The following ADCY2 variants were observed in gnomAD, a reference collection of about 807,000 sequenced individuals.
ADCY2 encodes the protein adenylate cyclase type 2.
ADCY2 carries 31 observed loss-of-function variants against 125.2 expected under a neutral mutation model. The observed-to-expected ratio is 0.25, with a 90% confidence interval of 0.19 to 0.33. The LOEUF (loss-of-function observed/expected upper bound fraction) is 0.33, where lower values mean the gene tolerates loss of function less well. ADCY2 is among the 10% of genes least tolerant of loss of function. The pLI is 1.00. For synonymous variants in ADCY2, 512 were observed against 548.4 expected (o/e 0.93, Z 0.93); for missense variants, 904 against 1,418.2 (o/e 0.64, Z 5.82).
chr5:7,750,870 A>T (rs532116553), intron 15 of ADCY2, among the ~76,000 whole-genome samples: 1 of 151,204 alleles, frequency 6.6e-6, no homozygotes, highest in African/African-American at 2.4e-5. Context: ...TCTACCACAG[A>T]CCTCATAATC....
chr5:7,573,295 C>G (rs1448881580), intron 3 of ADCY2, among the ~76,000 whole-genome samples: 1 of 152,102 alleles, frequency 6.6e-6, no homozygotes, highest in Non-Finnish European at 1.5e-5. Flanking sequence ...TAAAATTCAC[C>G]TTTTGAAATT....
intron 1 of ADCY2, among the ~76,000 whole-genome samples, chr5:7,411,972 G>A (rs1018722756): frequency 2.6e-5 from 4 of 152,066 alleles, no homozygotes; most frequent in East Asian, 1.9e-4. Context: ...CTACTTGGGA[G>A]GCTGAGGCAG....
chr5:7,427,791 G>A (rs1740440693), intron 2 of ADCY2, among the ~76,000 whole-genome samples: 2 of 152,262 alleles, frequency 1.3e-5, no homozygotes, highest in African/African-American at 4.8e-5. Flanking sequence ...AAGTACCAAG[G>A]AAGGAACTCA....
intron 3 of ADCY2, among the ~76,000 whole-genome samples, chr5:7,546,071 T>C (rs1169898985): frequency 5.3e-5 from 8 of 152,310 alleles, no homozygotes; most frequent in Non-Finnish European, 1.2e-4. Context: ...AGTAACTCCT[T>C]TCACCTATTC....
chr5:7,737,379 C>G (rs1742281002), intron 14 of ADCY2, among the ~76,000 whole-genome samples: 1 of 152,114 alleles, frequency 6.6e-6, no homozygotes, highest in African/African-American at 2.4e-5. Context: ...CCATGCAAAG[C>G]TAGAGCTAGA....
intron 22 of ADCY2, among the ~76,000 whole-genome samples, chr5:7,816,617 C>T (rs924207262): frequency 6.6e-6 from 1 of 152,220 alleles, no homozygotes; most frequent in African/African-American, 2.4e-5. Flanking sequence ...AGCCTTAGCC[C>T]GCATGATGCG....
At chr5:7,476,569 C>G (rs1415664534) in intron 2 of ADCY2, among the ~76,000 whole-genome samples, 1 of 152,160 alleles carries the variant, frequency 6.6e-6, no homozygotes, top group Non-Finnish European at 1.5e-5. Flanking sequence ...TCATCAGGAA[C>G]TGTCTCAGTG....
intron 3 of ADCY2, among the ~76,000 whole-genome samples, chr5:7,546,734 G>T (rs539003356): frequency 1.3e-5 from 2 of 152,308 alleles, no homozygotes; most frequent in African/African-American, 2.4e-5. Flanking sequence ...CCTTTGCAAG[G>T]CCGTCCGTGG....
intron 2 of ADCY2, among the ~76,000 whole-genome samples, chr5:7,496,858 A>T (rs1743362579): frequency 6.6e-6 from 1 of 152,196 alleles, no homozygotes; most frequent in Non-Finnish European, 1.5e-5. Context: ...AATATTTTAT[A>T]TGAATATATC....
intron 10 of ADCY2, among the ~76,000 whole-genome samples, chr5:7,711,203 G>A (rs1378683896): frequency 6.6e-6 from 1 of 152,170 alleles, no homozygotes; most frequent in Non-Finnish European, 1.5e-5. Flanking sequence ...AAATCATCAA[G>A]AAGAGAACAA....
intron 2 of ADCY2, among the ~76,000 whole-genome samples, chr5:7,453,614 G>T (rs1741554281): frequency 6.6e-6 from 1 of 152,196 alleles, no homozygotes; most frequent in Non-Finnish European, 1.5e-5. Flanking sequence ...AGGAAGGAAA[G>T]ACGGGAAGTA....
At chr5:7,555,280 T>C (rs1193120543) in intron 3 of ADCY2, among the ~76,000 whole-genome samples, 2 of 152,212 alleles carry the variant, frequency 1.3e-5, no homozygotes, top group African/African-American at 4.8e-5. Context: ...CAAACATCCA[T>C]TGAACGCCTG....
intron 2 of ADCY2, among the ~76,000 whole-genome samples, chr5:7,467,027 G>A (rs998722430): frequency 2.0e-5 from 3 of 152,094 alleles, no homozygotes; most frequent in Non-Finnish European, 4.4e-5. Context: ...TTTGAATTAG[G>A]ATATTTTCAA....
intron 2 of ADCY2, among the ~76,000 whole-genome samples, chr5:7,431,517 G>T (rs1488218129): frequency 1.1e-5 from 1 of 89,326 alleles, no homozygotes; most frequent in Non-Finnish European, 2.3e-5. Context: ...CACACAAAAA[G>T]GTGGGAACTA....
At chr5:7,441,416 TG>T (rs202182406) in intron 2 of ADCY2, among the ~76,000 whole-genome samples, 8 of 151,788 alleles carry the variant, frequency 5.3e-5, no homozygotes, top group African/African-American at 1.9e-4. Flanking sequence ...TTATTTTTAG[TG>T]TTTTTTTTTT....
chr5:7,741,371 T>C (rs1217352015), intron 14 of ADCY2, among the ~76,000 whole-genome samples: 1 of 152,166 alleles, frequency 6.6e-6, no homozygotes, highest in Non-Finnish European at 1.5e-5. Context: ...TCAGTTTCTC[T>C]GGCAAAATGA....
chr5:7,711,278 T>A (rs535435784), intron 10 of ADCY2, among the ~76,000 whole-genome samples: 2 of 152,250 alleles, frequency 1.3e-5, no homozygotes, highest in East Asian at 3.9e-4. Context: ...AGAAACAGCA[T>A]CCTAGGACTC....
At chr5:7,535,483 C>T (rs1734785165) in intron 3 of ADCY2, among the ~76,000 whole-genome samples, 1 of 152,188 alleles carries the variant, frequency 6.6e-6, no homozygotes, top group South Asian at 2.1e-4. Flanking sequence ...CAATAATAGG[C>T]AGTTCTTTCT....
chr5:7,547,701 G>A (rs979893124), intron 3 of ADCY2, among the ~76,000 whole-genome samples: 9 of 152,176 alleles, frequency 5.9e-5, no homozygotes, highest in Non-Finnish European at 1.0e-4. Context: ...GACACGCAAC[G>A]TTTTGTAGTG....
Sources: gnomAD v4.1 joint callset for allele counts (sites outside exome capture counted in the v4.1 genomes callset) on GRCh38, gnomAD v4.1.1 for gene constraint, MANE v1.5 for transcripts, NCBI Gene and HGNC (gene_info 2026-07-23, HGNC 2026-07-21) for gene names.